DDB1: variants seen among roughly 807,000 people sequenced by gnomAD.
DDB1 encodes damage specific DNA binding protein 1.
In DDB1, 18 loss-of-function variants were observed where a neutral mutation model predicts 133.1. The ratio of observed to expected loss-of-function variants is 0.14; its 90% CI spans 0.09 to 0.20. The LOEUF (loss-of-function observed/expected upper bound fraction) is 0.20. DDB1 is among the 10% of genes least tolerant of loss of function. DDB1 has a pLI of 1.00. For missense variants in DDB1, 828 were observed against 1,459.2 expected (o/e 0.57, Z 7.05); for synonymous variants, 580 against 550.5 (o/e 1.05, Z -0.75).
At chr11:61,314,004 C>T in intron 14 of DDB1, 35 bp from the exon 15 acceptor site, 1 of 1,614,138 alleles carries the variant, frequency 6.2e-7, no homozygotes, top group Admixed American at 1.7e-5. Flanking sequence ...TCTTGTTCCA[C>T]ATTTTGACTC....
At chr11:61,321,431 C>T (rs368196533) in intron 10 of DDB1, 164 bp downstream of exon 10, 18 of 310,860 alleles carry the variant, frequency 5.8e-5, no homozygotes, top group Admixed American at 1.2e-4. Context: ...CTAAAGTTTA[C>T]TTTTATACTT....
chr11:61,299,524 C>T lies in DDB1; in HGVS notation c.*612G>A, dbSNP rs911180709. The T allele has an allele frequency of 2.0e-5, 3 of 152,298 alleles. No homozygotes were observed. Among genetic ancestry groups the T allele is most frequent in the Non-Finnish European group, 2.9e-5 (2 of 68,168 alleles). The allele number at this position is 152,298 out of a possible 1,614,324, so 9.4% of individuals were successfully genotyped here. On this transcript the variant is annotated 3_prime_UTR_variant, in exon 27 of 27. Coordinates refer to ENST00000301764, the MANE Select transcript of DDB1 (RefSeq NM_001923.5). ...TCACATCCTCCCACCTTCTTCTTTC[C>T]GAAGAAGGCAGTTTGCAGAGACAAA...
At chr11:61,330,914 C>CCA (rs1255339255) in intron 2 of DDB1, among the ~76,000 whole-genome samples, 4 of 152,188 alleles carry the variant, frequency 2.6e-5, no homozygotes, top group African/African-American at 9.7e-5. Context: ...CCTCGGCCTC[C>CCA]CAAAGTGCTG....
intron 12 of DDB1, chr11:61,315,970 C>T (rs530852428): frequency 9.5e-6 from 2 of 211,424 alleles, no homozygotes; most frequent in South Asian, 1.6e-4. Flanking sequence ...TTGAGTGTCT[C>T]GGAAGATATA....
rs1487985200 is a variant in DDB1, at chr11:61,312,017, G to A, written c.2137C>T (p.Arg713Cys). The change falls in exon 17 of 27, where the codon CGC becomes TGC. Residue 713 changes from arginine (R) to cysteine (C), a missense_variant. Around this residue, in one of 7 missense-constraint regions of DDB1, gnomAD observed 396 missense variants for 554.1 expected, o/e 0.71. Transcript: ENST00000301764. The part of the protein sequence containing the change: ...TIDEIQKLHI[R>C]TVPLYESPRK... ...GGAGACTCATAGAGGGGAACTGTGCGAATGTGCAGCTTCTGGATCTCATCG... is the reference window on the plus strand; with the variant it reads ...GGAGACTCATAGAGGGGAACTGTGCAAATGTGCAGCTTCTGGATCTCATCG... 3.7e-6 allele frequency: 6 copies of A among 1,614,098 alleles called. No individual in the cohort carries two copies. Among genetic ancestry groups the A allele is most frequent in the African/African-American group, 1.3e-5 (1 of 74,918 alleles).
At chr11:61,301,751 C>G (rs997224254) in intron 25 of DDB1, 1 of 152,956 alleles carries the variant, frequency 6.5e-6, no homozygotes, top group Non-Finnish European at 1.5e-5. Flanking sequence ...CCTCCCACCT[C>G]CAGGGGGGCG....
chr11:61,328,761 C>T (rs1856310764), intron 4 of DDB1, among the ~76,000 whole-genome samples: 1 of 152,108 alleles, frequency 6.6e-6, no homozygotes. Context: ...ATTCCAGCTA[C>T]TCAGGAGGCT....
At chr11:61,304,352 C>T (rs1855849522) in intron 21 of DDB1, among the ~76,000 whole-genome samples, 1 of 152,014 alleles carries the variant, frequency 6.6e-6, no homozygotes, top group Non-Finnish European at 1.5e-5. Flanking sequence ...ATCCCAGCTA[C>T]TCAGGAGGTT....
chr11:61,303,726 T>G (rs1034692909), intron 22 of DDB1, 139 bp downstream of exon 22: 14 of 439,542 alleles, frequency 3.2e-5, no homozygotes, highest in Admixed American at 2.8e-4. Flanking sequence ...AAAAAAAAAC[T>G]TAATCAATGT....
intron 10 of DDB1, among the ~76,000 whole-genome samples, chr11:61,317,889 G>A (rs889219429): frequency 6.6e-6 from 1 of 152,046 alleles, no homozygotes; most frequent in South Asian, 2.1e-4. Context: ...ATCAATAAAG[G>A]CATCTTGTTT....
At chr11:61,300,978 C>A in intron 25 of DDB1, 46 bp from the exon 26 acceptor site, 1 of 1,609,620 alleles carries the variant, frequency 6.2e-7, no homozygotes, top group Non-Finnish European at 8.5e-7. Flanking sequence ...GAAACACCCT[C>A]CTCAGTCATC....
At chr11:61,329,883 A>G (rs895870970) in intron 3 of DDB1, 75 bp downstream of exon 3, 34 of 1,271,328 alleles carry the variant, frequency 2.7e-5, no homozygotes, top group Non-Finnish European at 3.6e-5. Flanking sequence ...AGCTGCCCCC[A>G]GCACTTTAAT....
At chr11:61,323,458 A>C in intron 7 of DDB1, 1 of 281,186 alleles carries the variant, frequency 3.6e-6, no homozygotes, top group Non-Finnish European at 6.9e-6. Flanking sequence ...CCCAGGCTGG[A>C]GTGCAGTGGT....
In DDB1 at chr11:61,302,762, G is replaced by GT. The variant is rs763717781; in HGVS notation, c.2943-12dup. 6.2e-7 allele frequency: 1 copy of GT among 1,614,022 alleles called. No homozygotes were observed. Among genetic ancestry groups the GT allele is most frequent in the Non-Finnish European group, 8.5e-7 (1 of 1,179,928 alleles). ...TCAGTGGTGGCAGCGCTGAAAGGCG[G>GT]TAAGAAAGTCACTTTCTGAACCTCC... On this transcript the variant is annotated splice_polypyrimidine_tract_variant and intron_variant, in intron 23 of 26. Coordinates refer to ENST00000301764, the MANE Select transcript of DDB1 (RefSeq NM_001923.5).
At chr11:61,308,587 G>A (rs1855912932) in intron 21 of DDB1, among the ~76,000 whole-genome samples, 2 of 151,918 alleles carry the variant, frequency 1.3e-5, no homozygotes, top group Admixed American at 1.3e-4. Flanking sequence ...CAATAAAGAT[G>A]GAAAAAAACT....
chr11:61,313,080 C>T lies in DDB1; in HGVS notation c.2069+419G>A, dbSNP rs539024319. 6.6e-5 allele frequency among the ~76,000 whole-genome samples: 10 copies of T among 152,276 alleles called. No homozygotes were observed. In the South Asian group the frequency reaches 1.7e-3, roughly 25 times the overall value. ...CTCCTGCCTCGGCCTCCCAAAGTGCCGGGACTACAGGTGTGAGCCACCATG... is the reference window on the plus strand; with the variant it reads ...CTCCTGCCTCGGCCTCCCAAAGTGCTGGGACTACAGGTGTGAGCCACCATG... On this transcript the variant is annotated intron_variant, in intron 16 of 26. Coordinates refer to ENST00000301764, the MANE Select transcript of DDB1 (RefSeq NM_001923.5).
chr11:61,319,429 CTTTT>C (rs746351260), intron 10 of DDB1, among the ~76,000 whole-genome samples: 3 of 150,678 alleles, frequency 2.0e-5, no homozygotes, highest in Non-Finnish European at 4.4e-5. Context: ...TCACTGCTTT[CTTTT>C]TTTTTCTTTT....
Position 61,311,978 on chromosome 11 carries a change from C to T in DDB1, c.2165+11G>A. Reference sequence around the variant, plus strand: ...AACCCCCACTTCCCACTCTCCCACCCTGGGCCTCACCTTGGAGACTCATAG... The same window carrying T: ...AACCCCCACTTCCCACTCTCCCACCTTGGGCCTCACCTTGGAGACTCATAG... On this transcript the variant is annotated intron_variant, in intron 17 of 26. Transcript: ENST00000301764. 1 of 1,614,198 alleles carries T rather than the reference C, an allele frequency of 6.2e-7. No individual in the cohort carries two copies. Among genetic ancestry groups the T allele is most frequent in the Admixed American group, 1.7e-5 (1 of 60,032 alleles).
chr11:61,314,464 A>G lies in DDB1; in HGVS notation c.1433T>C (p.Leu478Ser), dbSNP rs756249483. The change falls in exon 13 of 27, where the codon TTG (leucine) becomes TCG (serine). Residue 478 changes from leucine (L) to serine (S), a missense_variant. Physicochemically the swap from Leu to Ser is moderately radical, Grantham distance 145. Coordinates refer to ENST00000301764, the MANE Select transcript of DDB1 (RefSeq NM_001923.5). ...LIQITSASVRLVSQEPKALVS... is the reference protein window; with the variant it reads ...LIQITSASVRSVSQEPKALVS... ...CAGAGCTTTGGGTTCTTGAGAGACC[A>G]ACCTCACCGATGCTGAAGTGATCTA... 6 of 1,612,904 alleles carry G rather than the reference A, an allele frequency of 3.7e-6. No homozygotes were observed. Among genetic ancestry groups the G allele is most frequent in the Non-Finnish European group, 5.1e-6 (6 of 1,179,640 alleles).
Sources: allele counts gnomAD v4.1 joint callset (sites outside exome capture counted in the v4.1 genomes callset), GRCh38; gene constraint gnomAD v4.1.1; regional missense constraint gnomAD v4.1.1; transcripts MANE v1.5; gene names NCBI Gene and HGNC (gene_info 2026-07-23, HGNC 2026-07-21).